Variants in NMT1 observed in about 807,000 individuals in gnomAD.
NMT1 encodes N-myristoyltransferase 1.
In NMT1, 12 loss-of-function variants were observed where a neutral mutation model predicts 63.4. That is an observed-to-expected ratio of 0.19 (90% CI 0.12 to 0.31). NMT1 has a LOEUF of 0.31. Among genes scored for constraint, NMT1 ranks in the 10% least tolerant of loss-of-function variants. The pLI is 1.00. For missense variants in NMT1, 432 were observed against 634.6 expected, an observed-to-expected ratio of 0.68 and a Z score of 3.43; for synonymous variants, 228 against 234.3, an observed-to-expected ratio of 0.97 and a Z score of 0.25.
At chr17:45,101,171 G>A (rs1208529819) in intron 8 of NMT1, among the ~76,000 whole-genome samples, 6 of 151,248 alleles carry the variant, frequency 4.0e-5, no homozygotes, top group Non-Finnish European at 7.4e-5. Context: ...CCCACAGAGC[G>A]AGACTCCATC....
At chr17:45,094,969 T>A (rs543929104) in intron 4 of NMT1, among the ~76,000 whole-genome samples, 51 of 149,716 alleles carry the variant, frequency 3.4e-4, no homozygotes, top group African/African-American at 1.2e-3. Flanking sequence ...TCTGTCACCA[T>A]GCATGGATAA....
At position 45,061,426 on chromosome 17, in the gene NMT1, T is replaced by G; in HGVS notation, c.97T>G (p.Cys33Gly). The change falls in exon 1 of 12, where the codon TGC becomes GGC. Residue 33 changes from cysteine to glycine, a missense_variant. Physicochemically the swap from Cys to Gly is radical, Grantham distance 159 (BLOSUM62 -3). Coordinates refer to ENST00000258960, the MANE Select transcript of NMT1 (RefSeq NM_021079.5). ...NGNGHEHCSD[C>G]ENEEDNSYNR... The stretch of plus-strand genomic sequence containing the variant: ...GAACGGCCATGAGCACTGCAGCGAT[T>G]GCGAGAATGAGGAGGACAACAGCTA... 6.2e-7 allele frequency: 1 copy of G among 1,613,788 alleles called. No homozygotes were observed. Among genetic ancestry groups the G allele is most frequent in the Non-Finnish European group, 8.5e-7 (1 of 1,179,930 alleles).
chr17:45,104,085 C>T lies in NMT1; in HGVS notation c.1332+209C>T. ...GCATCCGAAGTGAAGGCATTGAACT[C>T]CTCCTGATTCATTTCAGTGAGTTTC... On this transcript the variant is annotated intron_variant, in intron 10 of 11. Coordinates refer to ENST00000258960, the MANE Select transcript of NMT1 (RefSeq NM_021079.5). This position sits in a 1 kb window ranked among gnomAD's most constrained non-coding sequence, Gnocchi z 4.2. The T allele has an allele frequency of 6.8e-7, 1 of 1,477,000 alleles. No homozygotes were observed. Among genetic ancestry groups the T allele is most frequent in the South Asian group, 1.3e-5 (1 of 77,690 alleles). 91.5% of individuals were successfully genotyped at this position (1,477,000 alleles called of 1,614,324 possible).
Position 45,103,892 on chromosome 17 carries a change from G to C in NMT1, c.1332+16G>C. 14 of 1,612,594 alleles carry C rather than the reference G, an allele frequency of 8.7e-6. No homozygotes were observed. The highest frequency in any genetic ancestry group is 1.1e-5 in the Non-Finnish European group (13 of 1,180,016). On this transcript the variant is annotated intron_variant, in intron 10 of 11. Coordinates refer to ENST00000258960, the MANE Select transcript of NMT1 (RefSeq NM_021079.5). The surrounding 1 kb of genome is among the most constrained non-coding windows in gnomAD (Gnocchi z 4.8). Reference sequence around the variant, plus strand: ...CGCCAAAATGGTGAGGAGCAGACGGGGGGGTCTCTGGAGATGTGCAGGGAA... The same window carrying C: ...CGCCAAAATGGTGAGGAGCAGACGGCGGGGTCTCTGGAGATGTGCAGGGAA...
intron 1 of NMT1, among the ~76,000 whole-genome samples, chr17:45,075,936 G>A (rs899197896): frequency 1.3e-5 from 2 of 151,950 alleles, no homozygotes; most frequent in Admixed American, 1.3e-4. Flanking sequence ...TGGGTATGGT[G>A]GTATGTGCCT....
chr17:45,087,695 C>T (rs2054063439), intron 3 of NMT1, among the ~76,000 whole-genome samples: 1 of 152,166 alleles, frequency 6.6e-6, no homozygotes. Flanking sequence ...CATATTCCAA[C>T]ACCAAATGTA....
At chr17:45,082,965 T>C (rs1211024178) in intron 2 of NMT1, among the ~76,000 whole-genome samples, 3 of 148,786 alleles carry the variant, frequency 2.0e-5, no homozygotes, top group Admixed American at 6.7e-5. Flanking sequence ...TGAAGTGAGC[T>C]GAGATCACGC....
rs1445433341 is a variant in NMT1, at chr17:45,096,273, A to C, written c.584A>C (p.Glu195Ala). Residue 195 changes from glutamate to alanine, a missense_variant, in exon 5 of 12, where the codon GAG (glutamate) becomes GCG (alanine). Coordinates refer to ENST00000258960, the MANE Select transcript of NMT1 (RefSeq NM_021079.5). Reference protein sequence around the residue: ...DNMFRFDYSPEFLLWALRPPG... With the variant: ...DNMFRFDYSPAFLLWALRPPG... ...ATGTTCCGATTTGATTATTCCCCGG[A>C]GTTTCTTTTGTGGTAAGTTGTGGGG... 6.2e-7 allele frequency: 1 copy of C among 1,613,752 alleles called. No individual in the cohort carries two copies. The highest frequency in any genetic ancestry group is 1.1e-5 in the South Asian group (1 of 91,076).
chr17:45,098,660 C>A, intron 7 of NMT1, 108 bp downstream of exon 7: 1 of 1,063,796 alleles, frequency 9.4e-7, no homozygotes, highest in Non-Finnish European at 1.4e-6. Flanking sequence ...CCACCTCTGG[C>A]GTATCTGGTA....
chr17:45,070,248 C>A (rs1230970616), intron 1 of NMT1, among the ~76,000 whole-genome samples: 1 of 147,482 alleles, frequency 6.8e-6, no homozygotes, highest in African/African-American at 2.4e-5. Context: ...TCCCAGGGTA[C>A]CTTTTTTTGT....
chr17:45,085,018 T>TGAGCC, intron 2 of NMT1, among the ~76,000 whole-genome samples: 1 of 151,998 alleles, frequency 6.6e-6, no homozygotes, highest in East Asian at 1.9e-4. Context: ...GAGGCTGAGT[T>TGAGCC]GGGCAGATCG....
intron 1 of NMT1, among the ~76,000 whole-genome samples, chr17:45,074,086 G>A (rs1033694109): frequency 6.6e-6 from 1 of 151,948 alleles, no homozygotes; most frequent in Non-Finnish European, 1.5e-5. Context: ...CCAGCATTGC[G>A]CTCTATTTCT....
intron 3 of NMT1, among the ~76,000 whole-genome samples, chr17:45,087,106 A>G (rs1598011998): frequency 6.6e-6 from 1 of 151,990 alleles, no homozygotes; most frequent in Middle Eastern, 3.4e-3. Flanking sequence ...GGCGGCAGTG[A>G]GCTGAGATCA....
At chr17:45,097,022 C>T (rs963323318) in intron 5 of NMT1, 106 bp from the exon 6 acceptor site, 2 of 783,896 alleles carry the variant, frequency 2.6e-6, no homozygotes, top group South Asian at 2.9e-5. Context: ...TATTAACCCT[C>T]AGGGAGGTGG....
chr17:45,103,665 C>T lies in NMT1; in HGVS notation c.1165-44C>T. The T allele has an allele frequency of 1.3e-6, 2 of 1,568,564 alleles. No individual in the cohort carries two copies. On this transcript the variant is annotated intron_variant, in intron 9 of 11. Coordinates refer to ENST00000258960, the MANE Select transcript of NMT1 (RefSeq NM_021079.5). This position sits in a 1 kb window ranked among gnomAD's most constrained non-coding sequence, Gnocchi z 4.8. ...ACATTTTGTTCCCGGGCCGCAGTGC[C>T]ACTGTGCATGCTTGACATTGCCTCT...
intron 1 of NMT1, among the ~76,000 whole-genome samples, chr17:45,062,999 T>TC (rs1476729601): frequency 3.3e-5 from 5 of 151,914 alleles, no homozygotes; most frequent in Admixed American, 6.6e-5. Context: ...GGTCAGGAGA[T>TC]CGAGACCATC....
intron 4 of NMT1, among the ~76,000 whole-genome samples, chr17:45,095,168 A>G (rs1424414083): frequency 6.7e-6 from 1 of 148,910 alleles, no homozygotes; most frequent in Non-Finnish European, 1.5e-5. Flanking sequence ...GTGCAATGGC[A>G]CAATCTTGGC....
Position 45,105,699 on chromosome 17 carries a change from C to T in NMT1, c.*60C>T. 1 of 1,534,790 alleles carries T rather than the reference C, an allele frequency of 6.5e-7. No homozygotes were observed. On this transcript the variant is annotated 3_prime_UTR_variant, in exon 12 of 12. Transcript: ENST00000258960. This position sits in a 1 kb window ranked among gnomAD's most constrained non-coding sequence, Gnocchi z 4.2. The stretch of plus-strand genomic sequence containing the variant: ...AAAATTCGAACCAGGAAATGGAACC[C>T]CACCACTGTTGGTCCAATTTTCACA...
At chr17:45,087,909 T>C (rs568642124) in intron 3 of NMT1, among the ~76,000 whole-genome samples, 2 of 152,304 alleles carry the variant, frequency 1.3e-5, no homozygotes, top group Admixed American at 1.3e-4. Flanking sequence ...CCTGCAGACC[T>C]GCAGGATGGG....
Sources: gnomAD v4.1 joint callset for allele counts (sites outside exome capture counted in the v4.1 genomes callset) on GRCh38, gnomAD v4.1.1 for gene constraint, Gnocchi (gnomAD v3.1) non-coding constraint, MANE v1.5 for transcripts, NCBI Gene and HGNC (gene_info 2026-07-23, HGNC 2026-07-21) for gene names.